The following EPHX1 variants were observed in gnomAD, a reference collection of about 807,000 sequenced individuals.
EPHX1 encodes the protein epoxide hydratase.
EPHX1 carries 40 observed loss-of-function variants against 43.2 expected under a neutral mutation model. The observed-to-expected ratio is 0.93, with a 90% CI of 0.72 to 1.21. The LOEUF is 1.21. Among genes scored for constraint, EPHX1 ranks in the 50% most tolerant of loss-of-function variants. The pLI, the probability that EPHX1 is intolerant of heterozygous loss-of-function variation, is 0.00. For synonymous variants in EPHX1, 221 were observed against 226.7 expected (o/e 0.98, Z 0.22); for missense variants, 550 against 570.4 (o/e 0.96, Z 0.36).
At chr1:225,834,370 A>G (rs1026836061) in intron 3 of EPHX1, among the ~76,000 whole-genome samples, 12 of 151,988 alleles carry the variant, frequency 7.9e-5, no homozygotes, top group Non-Finnish European at 1.2e-4. Context: ...GCGCCACTGC[A>G]CTCCAGCCTG....
At position 225,845,383 on chromosome 1, in the gene EPHX1, C is replaced by G. The variant is rs1180631633; in HGVS notation, c.*36C>G. The G allele has an allele frequency of 6.5e-6, 10 of 1,539,874 alleles. No homozygotes were observed. The highest frequency in any genetic ancestry group is 8.7e-6 in the Non-Finnish European group (10 of 1,144,398). Reference sequence around the variant, plus strand: ...TCCCCCCGCCTGCCACCTCCCCCCACAAGTGCCCTCCAGGCTTTTCTTGGG... The same window carrying G: ...TCCCCCCGCCTGCCACCTCCCCCCAGAAGTGCCCTCCAGGCTTTTCTTGGG... On this transcript the variant is annotated 3_prime_UTR_variant, in exon 9 of 9. Coordinates refer to ENST00000272167, the MANE Select transcript of EPHX1 (RefSeq NM_001136018.4).
intron 3 of EPHX1, among the ~76,000 whole-genome samples, chr1:225,832,636 C>T (rs758605930): frequency 1.1e-4 from 17 of 152,240 alleles, no homozygotes; most frequent in Non-Finnish European, 1.9e-4. Context: ...TACTGCGTTC[C>T]GCAGCAGCTG....
At chr1:225,816,727 T>C (rs1435963504) in intron 1 of EPHX1, among the ~76,000 whole-genome samples, 3 of 152,168 alleles carry the variant, frequency 2.0e-5, no homozygotes, top group African/African-American at 7.2e-5. Context: ...CACGGAGGCC[T>C]GGAGAAGTGG....
At position 225,845,552 on chromosome 1, in the gene EPHX1, T is replaced by A. The variant is rs1240396711; in HGVS notation, c.*205T>A. On this transcript the variant is annotated 3_prime_UTR_variant, in exon 9 of 9. Transcript: ENST00000272167. ...CAACATGGCTTTGATGATAAACGAC[T>A]TTACTCTAAAAGCGGCTGGAACTCA... 1.6e-6 allele frequency: 1 copy of A among 617,522 alleles called. No individual in the cohort carries two copies. The highest frequency in any genetic ancestry group is 2.8e-6 in the Non-Finnish European group (1 of 352,210). The allele number at this position is 617,522 out of a possible 1,614,324, so 38.3% of individuals were successfully genotyped here. A position where few individuals can be genotyped will look rare whatever the true frequency, so the allele number is the denominator to read the frequency against.
chr1:225,840,074 C>G (rs765862581), intron 6 of EPHX1, 37 bp downstream of exon 6: 3 of 1,607,310 alleles, frequency 1.9e-6, no homozygotes, highest in Non-Finnish European at 2.6e-6. Context: ...ACTGCCGGCT[C>G]CACTGGGGCA....
intron 1 of EPHX1, among the ~76,000 whole-genome samples, chr1:225,811,477 G>T (rs1239039706): frequency 1.1e-4 from 17 of 152,216 alleles, no homozygotes; most frequent in Admixed American, 1.1e-3. Context: ...GCACTTGGCA[G>T]GCCCGCTTCC....
intron 1 of EPHX1, among the ~76,000 whole-genome samples, chr1:225,827,032 T>C (rs1667281454): frequency 6.6e-6 from 1 of 152,126 alleles, no homozygotes; most frequent in Non-Finnish European, 1.5e-5. Flanking sequence ...GGATTTCTGT[T>C]TGGAGCTCTA....
Position 225,844,641 on chromosome 1 carries a change from G to T in EPHX1, c.1166+18G>T. ...CATGAGCGGTGAGCCTGGCTGAGCC[G>T]AGAACAGGGGCCTCTGAGGCTGGAG... On this transcript the variant is annotated intron_variant, in intron 8 of 8. Coordinates refer to ENST00000272167, the MANE Select transcript of EPHX1 (RefSeq NM_001136018.4). 1 of 1,613,530 alleles carries T rather than the reference G, an allele frequency of 6.2e-7. No individual in the cohort carries two copies. Among genetic ancestry groups the T allele is most frequent in the Non-Finnish European group, 8.5e-7 (1 of 1,179,920 alleles).
intron 1 of EPHX1, among the ~76,000 whole-genome samples, chr1:225,818,735 A>C (rs1449896732): frequency 1.3e-5 from 2 of 152,062 alleles, no homozygotes; most frequent in Non-Finnish European, 2.9e-5. Context: ...ACACTAACCC[A>C]AGGACAATGG....
Position 225,845,482 on chromosome 1 carries a change from C to A in EPHX1, c.*135C>A. ...TGCTGGGAGCCCACGCTCACCCCCT[C>A]ACCCCTCCAAGCTCACTCCCCAACC... is the stretch of plus-strand genomic sequence containing the variant. On this transcript the variant is annotated 3_prime_UTR_variant, in exon 9 of 9. Transcript: ENST00000272167. 3.4e-6 allele frequency: 3 copies of A among 873,070 alleles called. No homozygotes were observed. Among genetic ancestry groups the A allele is most frequent in the Non-Finnish European group, 5.3e-6 (3 of 563,228 alleles). The allele number at this position is 873,070 out of a possible 1,614,324, so 54.1% of individuals were successfully genotyped here.
At chr1:225,834,465 A>G (rs560397429) in intron 3 of EPHX1, among the ~76,000 whole-genome samples, 243 of 152,152 alleles carry the variant, frequency 1.6e-3, no homozygotes, top group African/African-American at 5.5e-3. Flanking sequence ...CAGGGCAGCA[A>G]ACATCCTTGT....
chr1:225,839,470 C>T, intron 5 of EPHX1, 124 bp downstream of exon 5: 1 of 1,520,002 alleles, frequency 6.6e-7, no homozygotes, highest in Non-Finnish European at 8.8e-7. Flanking sequence ...GGAGTGTGAC[C>T]TGTCACTCAG....
Position 225,845,397 on chromosome 1 carries a change from G to T in EPHX1, c.*50G>T. On this transcript the variant is annotated 3_prime_UTR_variant, in exon 9 of 9. Transcript: ENST00000272167. ...ACCTCCCCCCACAAGTGCCCTCCAGGCTTTTCTTGGGGAAGATACCCCTTT... is the reference window on the plus strand; with the variant it reads ...ACCTCCCCCCACAAGTGCCCTCCAGTCTTTTCTTGGGGAAGATACCCCTTT... 1 of 1,528,124 alleles carries T rather than the reference G, an allele frequency of 6.5e-7. No homozygotes were observed. Among genetic ancestry groups the T allele is most frequent in the Non-Finnish European group, 8.8e-7 (1 of 1,138,360 alleles). 94.7% of individuals were successfully genotyped at this position (1,528,124 alleles called of 1,614,324 possible).
intron 1 of EPHX1, among the ~76,000 whole-genome samples, chr1:225,815,418 T>TTTTC (rs200270890): frequency 0.079 from 6,381 of 80,528 alleles, 1,118 homozygotes; most frequent in African/African-American, 0.22. Context: ...TTTCTTTTTT[T>TTTTC]TTTTTTTTTT....
intron 1 of EPHX1, among the ~76,000 whole-genome samples, chr1:225,820,575 C>T (rs1575986279): frequency 6.6e-6 from 1 of 152,250 alleles, no homozygotes; most frequent in Admixed American, 6.5e-5. Context: ...AACTCTTATG[C>T]GAAAATAGCC....
Position 225,831,783 on chromosome 1 carries a change from T to TA in EPHX1, c.189dup (p.His64ThrfsTer6). On this transcript the variant is annotated frameshift_variant, in exon 3 of 9. Coordinates refer to ENST00000272167, the MANE Select transcript of EPHX1 (RefSeq NM_001136018.4). LOFTEE classifies it high-confidence loss of function. ...GGGTCCTGAATTTTGCTCCAGGACT[T>TA]ACACCAGAGGATCGATAAGTTCCGT... 1 of 1,613,938 alleles carries TA rather than the reference T, an allele frequency of 6.2e-7. No homozygotes were observed. Among genetic ancestry groups the TA allele is most frequent in the African/African-American group, 1.3e-5 (1 of 75,028 alleles).
intron 1 of EPHX1, among the ~76,000 whole-genome samples, chr1:225,812,197 TGTAA>T (rs1010434397): frequency 1.3e-5 from 2 of 152,210 alleles, no homozygotes; most frequent in African/African-American, 4.8e-5. Context: ...TAGCTCAGTC[TGTAA>T]GTGAGGGGAC....
At position 225,832,855 on chromosome 1, in the gene EPHX1, G is replaced by A. The variant is rs45542435; in HGVS notation, c.364+896G>A. Among the ~76,000 whole-genome samples the A allele has an allele frequency of 1.8e-4, 28 of 152,266 alleles. No homozygotes were observed. In the South Asian group the frequency reaches 1.9e-3, roughly 10 times the overall value. ...TTATTGGATTCTTTGTAATTTCTCCGAAGAAATGTCTGTTCATGTCTTTTG... is the reference window on the plus strand; with the variant it reads ...TTATTGGATTCTTTGTAATTTCTCCAAAGAAATGTCTGTTCATGTCTTTTG... On this transcript the variant is annotated intron_variant, in intron 3 of 8. Transcript: ENST00000272167.
At chr1:225,838,592 C>T in intron 3 of EPHX1, 62 bp from the exon 4 acceptor site, 1 of 1,474,032 alleles carries the variant, frequency 6.8e-7, no homozygotes, top group Non-Finnish European at 9.4e-7. Context: ...TGGGGGGTGC[C>T]AGAGCCTGAC....
Sources: allele counts gnomAD v4.1 joint callset (sites outside exome capture counted in the v4.1 genomes callset), GRCh38; gene constraint gnomAD v4.1.1; transcripts MANE v1.5; gene names NCBI Gene and HGNC (gene_info 2026-07-23, HGNC 2026-07-21).